The following MED23 variants were observed in gnomAD, a reference collection of about 807,000 sequenced individuals.
MED23 encodes mediator complex subunit 23, also known as mediator of RNA polymerase II transcription subunit 23.
In MED23, 105 loss-of-function variants were observed where a neutral mutation model predicts 163.9. That is an observed-to-expected ratio of 0.64 (90% confidence interval 0.55 to 0.75). MED23 has a LOEUF of 0.75. Ranked by LOEUF, MED23 falls within the 30% of genes least tolerant of loss-of-function variation. The probability of loss-of-function intolerance (pLI) is 0.00; values close to 1 mark genes in which losing one functional copy is unlikely to be tolerated. For synonymous variants in MED23, 561 were observed against 565.6 expected (o/e 0.99, Z 0.12); for missense variants, 1,054 against 1,649.0 (o/e 0.64, Z 6.25).
chr6:131,577,017 G>A (rs1438440244), intron 30 of MED23, among the ~76,000 whole-genome samples: 1 of 152,052 alleles, frequency 6.6e-6, no homozygotes, highest in East Asian at 1.9e-4. Context: ...GATGGTAGGG[G>A]AGCCGGGGGA....
At chr6:131,575,931 T>C (rs1233449278) in intron 30 of MED23, among the ~76,000 whole-genome samples, 1 of 152,202 alleles carries the variant, frequency 6.6e-6, no homozygotes, top group Non-Finnish European at 1.5e-5. Context: ...CTTTTTCTGT[T>C]GCCTGCTTTC....
chr6:131,615,552 G>A (rs796187235), intron 10 of MED23: 8 of 377,428 alleles, frequency 2.1e-5, no homozygotes, highest in African/African-American at 5.7e-5. Context: ...AGAAGGCCAC[G>A]CTGAAGATAC....
At chr6:131,603,603 C>A (rs568958800) in intron 15 of MED23, among the ~76,000 whole-genome samples, 2 of 151,944 alleles carry the variant, frequency 1.3e-5, no homozygotes, top group East Asian at 1.9e-4. Context: ...TCCTCCTACC[C>A]CCAAGAAAGT....
intron 8 of MED23, 67 bp downstream of exon 8, chr6:131,619,760 G>A: frequency 1.6e-6 from 2 of 1,221,706 alleles, no homozygotes; most frequent in Non-Finnish European, 2.4e-6. Context: ...ACATCCCTCA[G>A]CTTTGTTCAA....
chr6:131,578,464 G>A (rs1773740193), intron 30 of MED23, among the ~76,000 whole-genome samples: 1 of 152,136 alleles, frequency 6.6e-6, no homozygotes, highest in East Asian at 1.9e-4. Context: ...CAGTCCTTAG[G>A]AATTTGGGGT....
intron 23 of MED23, among the ~76,000 whole-genome samples, chr6:131,593,595 AGACATT>A (rs1439071741): frequency 6.6e-6 from 1 of 152,230 alleles, no homozygotes; most frequent in African/African-American, 2.4e-5. Flanking sequence ...GTATGGTTAT[AGACATT>A]AAGTATAGAG....
At chr6:131,575,299 GC>G (rs1773560400) in intron 30 of MED23, among the ~76,000 whole-genome samples, 2 of 152,224 alleles carry the variant, frequency 1.3e-5, no homozygotes, top group Admixed American at 6.5e-5. Flanking sequence ...AAAATATAGT[GC>G]CCCACATGTA....
chr6:131,619,961 T>C (rs1310957932), intron 7 of MED23, 65 bp from the exon 8 acceptor site: 3 of 917,944 alleles, frequency 3.3e-6, no homozygotes, highest in Admixed American at 1.7e-5. Flanking sequence ...AGACTGCCCC[T>C]GAAATATATG....
intron 11 of MED23, among the ~76,000 whole-genome samples, chr6:131,608,853 T>C (rs533647267): frequency 5.7e-4 from 87 of 152,248 alleles, no homozygotes; most frequent in Non-Finnish European, 1.1e-3. Flanking sequence ...CCATTCAATA[T>C]GTCTAAAATT....
chr6:131,619,940 A>C (rs1562402991), intron 7 of MED23, 44 bp from the exon 8 acceptor site: 2 of 1,290,630 alleles, frequency 1.5e-6, no homozygotes. Context: ...ATACGTACAA[A>C]AGGAAAATTG....
In MED23 at chr6:131,628,200, T is replaced by C. The variant is rs1777664996; in HGVS notation, c.-151A>G. 1.1e-6 allele frequency: 1 copy of C among 871,948 alleles called. No homozygotes were observed. The highest frequency in any genetic ancestry group is 1.4e-5 in the South Asian group (1 of 71,832). The allele number at this position is 871,948 out of a possible 1,614,324, so 54.0% of individuals were successfully genotyped here. ...TCCCCCAGCGCTTTACCTGGAGCGT[T>C]CCCTCCCGAGCCCAGCCAACAGCAG... On this transcript the variant is annotated 5_prime_UTR_variant, in exon 1 of 29. Transcript: ENST00000368068.
Position 131,619,879 on chromosome 6 carries a change from T to A in MED23, c.615A>T (p.Val205=). The A allele has an allele frequency of 6.2e-7, 1 of 1,611,428 alleles. No homozygotes were observed. The highest frequency in any genetic ancestry group is 8.5e-7 in the Non-Finnish European group (1 of 1,178,122). ...GCCTGAAGGTATCCACAAAGTCTGA[T>A]ACTAGGTTTCCAAGTAACTAAAGAG... The part of the protein sequence containing the change: ...KLPHWLLGNL[V]SDFVDTFRPT... The change falls in exon 8 of 29, where the codon GTA becomes GTT. Residue 205 remains valine, a synonymous_variant. Coordinates refer to ENST00000368068, the MANE Select transcript of MED23 (RefSeq NM_004830.4).
At chr6:131,583,296 T>G, downstream of MED23, 4 of 1,610,986 alleles carry the variant, frequency 2.5e-6, no homozygotes, top group Non-Finnish European at 3.4e-6. Context: ...AACAGATTAT[T>G]ATCTATGAAA....
At position 131,623,688 on chromosome 6, in the gene MED23, TG is replaced by T. The variant is rs573471751; in HGVS notation, c.285-227del. Among the ~76,000 whole-genome samples the T allele has an allele frequency of 4.5e-4, 68 of 152,344 alleles. No homozygotes were observed. In the South Asian group the frequency reaches 9.1e-3, roughly 20 times the overall value. ...TCTCACAAGATCTAATGGTTTTATA[TG>T]GGGATTCCCCCTTCACTGGGCACTC... On this transcript the variant is annotated intron_variant, in intron 4 of 28. Coordinates refer to ENST00000368068, the MANE Select transcript of MED23 (RefSeq NM_004830.4).
chr6:131,595,983 G>A lies in MED23; in HGVS notation c.2959C>T (p.Leu987=). ...TATAAGCCTCCTAGATGATCCAGTA[G>A]AGTCTCCAGTGATTTGGATACCGGA... The part of the protein sequence containing the change: ...LLPVSKSLET[L]LDHLGGLYKF... Residue 987 remains leucine (L), a synonymous_variant, in exon 22 of 29, where the codon CTA becomes TTA. Coordinates refer to ENST00000368068, the MANE Select transcript of MED23 (RefSeq NM_004830.4). The A allele has an allele frequency of 6.2e-7, 1 of 1,614,024 alleles. No individual in the cohort carries two copies. Among genetic ancestry groups the A allele is most frequent in the East Asian group, 2.2e-5 (1 of 44,870 alleles).
intron 4 of MED23, among the ~76,000 whole-genome samples, chr6:131,623,692 G>A (rs1777280309): frequency 6.6e-6 from 1 of 152,210 alleles, no homozygotes. Flanking sequence ...TTTATATGGG[G>A]ATTCCCCCTT....
intron 1 of MED23, 126 bp downstream of exon 1, chr6:131,627,885 T>C: frequency 1.6e-6 from 2 of 1,269,358 alleles, no homozygotes; most frequent in Non-Finnish European, 1.1e-6. Context: ...ACAACCTCGG[T>C]GTCAAAACAA....
downstream of MED23, chr6:131,583,597 C>CCAT (rs1364011295): frequency 4.6e-6 from 7 of 1,530,406 alleles, no homozygotes; most frequent in African/African-American, 6.9e-5. Context: ...TTCAGAATGT[C>CCAT]CATCAGTCAC....
intron 3 of MED23, among the ~76,000 whole-genome samples, chr6:131,626,101 G>A (rs1480044589): frequency 1.5e-5 from 2 of 129,408 alleles, no homozygotes; most frequent in Admixed American, 8.5e-5. Flanking sequence ...TAGCCTGGGC[G>A]ACAGAGTGAG....
Sources: gnomAD v4.1 joint callset for allele counts (sites outside exome capture counted in the v4.1 genomes callset) on GRCh38, gnomAD v4.1.1 for gene constraint, MANE v1.5 for transcripts, NCBI Gene and HGNC (gene_info 2026-07-23, HGNC 2026-07-21) for gene names.